AFDN: variants seen among roughly 807,000 people sequenced by gnomAD.
AFDN encodes the protein afadin.
AFDN carries 68 observed loss-of-function variants against 216.6 expected under a neutral mutation model. The observed-to-expected ratio is 0.31, with a 90% CI of 0.26 to 0.38. The LOEUF (loss-of-function observed/expected upper bound fraction) is 0.38. AFDN is among the 10% of genes least tolerant of loss of function. The probability of loss-of-function intolerance (pLI) is 1.00; values close to 1 mark genes in which losing one functional copy is unlikely to be tolerated. For synonymous variants in AFDN, 868 were observed against 853.7 expected (o/e 1.02, Z -0.29); for missense variants, 2,136 against 2,342.0 (o/e 0.91, Z 1.82).
At chr6:167,899,625 C>T (rs1788695992) in intron 11 of AFDN, among the ~76,000 whole-genome samples, 1 of 152,162 alleles carries the variant, frequency 6.6e-6, no homozygotes, top group Non-Finnish European at 1.5e-5. Context: ...TTTTCTTCAG[C>T]CCTGTTTCTT....
chr6:167,960,456 A>G (rs1191580553), intron 30 of AFDN, among the ~76,000 whole-genome samples: 7 of 152,270 alleles, frequency 4.6e-5, no homozygotes, highest in Non-Finnish European at 7.3e-5. Flanking sequence ...TAATTGGTCT[A>G]TCATTGTGTA....
At position 167,890,904 on chromosome 6, in the gene AFDN, T is replaced by A. The variant is rs1164673099; in HGVS notation, c.1052T>A (p.Ile351Asn). 1 of 1,613,688 alleles carries A rather than the reference T, an allele frequency of 6.2e-7. No homozygotes were observed. The highest frequency in any genetic ancestry group is 1.7e-5 in the Admixed American group (1 of 59,974). Residue 351 changes from isoleucine to asparagine, a missense_variant, in exon 8 of 34, where the codon ATC (isoleucine) becomes AAC (asparagine). Physicochemically the swap from Ile to Asn is moderately radical, Grantham distance 149. Coordinates refer to ENST00000683244, the MANE Select transcript of AFDN (RefSeq NM_001386888.1). Reference sequence around the variant, plus strand: ...TTGAAGAGGAGGCCACCAGACCACATCCCAAAGAAAACCAAGAAACACTTG... The same window carrying A: ...TTGAAGAGGAGGCCACCAGACCACAACCCAAAGAAAACCAAGAAACACTTG... ...FQLKRRPPDHIPKKTKKHLEG... is the reference protein window; with the variant it reads ...FQLKRRPPDHNPKKTKKHLEG...
intron 1 of AFDN, among the ~76,000 whole-genome samples, chr6:167,847,159 G>C (rs1583140339): frequency 1.3e-5 from 2 of 152,236 alleles, no homozygotes; most frequent in East Asian, 3.9e-4. Flanking sequence ...TTCTGATGCA[G>C]CAGCAGTTGA....
chr6:167,888,564 A>G (rs925422746), intron 6 of AFDN, among the ~76,000 whole-genome samples: 8 of 152,186 alleles, frequency 5.3e-5, no homozygotes, highest in Non-Finnish European at 1.0e-4. Flanking sequence ...GGGCTTTCTT[A>G]GATTATTAAA....
intron 1 of AFDN, among the ~76,000 whole-genome samples, chr6:167,830,471 C>T (rs1779702852): frequency 6.6e-6 from 1 of 152,150 alleles, no homozygotes; most frequent in South Asian, 2.1e-4. Context: ...GGCATATATG[C>T]TTTCTAAAAA....
chr6:167,898,113 G>T, intron 10 of AFDN, 92 bp from the exon 11 acceptor site: 1 of 1,366,636 alleles, frequency 7.3e-7, no homozygotes, highest in Non-Finnish European at 1.0e-6. Context: ...GGTTATATTT[G>T]TCATAAAAGG....
chr6:167,847,132 A>G (rs2128157645), intron 1 of AFDN, among the ~76,000 whole-genome samples: 1 of 152,322 alleles, frequency 6.6e-6, no homozygotes, highest in South Asian at 2.1e-4. Context: ...TCATGCTGAC[A>G]CATCCAGTCG....
chr6:167,858,279 G>A (rs1186505505), intron 1 of AFDN, among the ~76,000 whole-genome samples: 3 of 152,196 alleles, frequency 2.0e-5, no homozygotes, highest in Non-Finnish European at 4.4e-5. Flanking sequence ...AGTAGATAAT[G>A]TTGGCAGTTA....
intron 1 of AFDN, among the ~76,000 whole-genome samples, chr6:167,829,436 C>T (rs1157297017): frequency 6.6e-6 from 1 of 151,876 alleles, no homozygotes; most frequent in East Asian, 1.9e-4. Flanking sequence ...TGTCTAAGCT[C>T]GTGTGAATTT....
At chr6:167,944,323 A>C (rs1286330416) in intron 26 of AFDN, among the ~76,000 whole-genome samples, 1 of 152,156 alleles carries the variant, frequency 6.6e-6, no homozygotes, top group African/African-American at 2.4e-5. Context: ...ACTGCTGGTG[A>C]GCTTCCATAG....
intron 23 of AFDN, among the ~76,000 whole-genome samples, chr6:167,938,261 A>G (rs1451050013): frequency 6.6e-6 from 1 of 151,422 alleles, no homozygotes; most frequent in Non-Finnish European, 1.5e-5. Context: ...CATGAGTCAG[A>G]TAGAATGGGA....
chr6:167,834,177 T>C (rs913604514), intron 1 of AFDN, among the ~76,000 whole-genome samples: 3 of 152,128 alleles, frequency 2.0e-5, no homozygotes, highest in African/African-American at 7.2e-5. Flanking sequence ...TAGTGGTGAT[T>C]TGTGAGATTT....
Position 167,911,427 on chromosome 6 carries a change from C to T in AFDN, c.1975C>T (p.Arg659Cys), listed in dbSNP as rs368693251. ...QYRPDISPTERTHKVIAVVNK... is the reference protein window; with the variant it reads ...QYRPDISPTECTHKVIAVVNK... The stretch of plus-strand genomic sequence containing the variant: ...CAGACCTGACATCAGCCCTACAGAG[C>T]GCACACATAAAGTCATTGCAGTCGT... Residue 659 changes from arginine (R) to cysteine (C), a missense_variant, in exon 15 of 34, where the codon CGC (arginine) becomes TGC (cysteine). Physicochemically the swap from Arg to Cys is radical, Grantham distance 180. Coordinates refer to ENST00000683244, the MANE Select transcript of AFDN (RefSeq NM_001386888.1). 1.8e-5 allele frequency: 29 copies of T among 1,614,078 alleles called. No individual in the cohort carries two copies. Among genetic ancestry groups the T allele is most frequent in the East Asian group, 1.8e-4 (8 of 44,874 alleles).
chr6:167,949,584 G>C (rs1480963475), intron 29 of AFDN, among the ~76,000 whole-genome samples: 1 of 152,192 alleles, frequency 6.6e-6, no homozygotes. Context: ...AGTCTTGGGA[G>C]TTTTGGATGC....
intron 1 of AFDN, among the ~76,000 whole-genome samples, chr6:167,832,296 C>T (rs989936275): frequency 1.3e-5 from 2 of 152,106 alleles, no homozygotes; most frequent in African/African-American, 2.4e-5. Flanking sequence ...GCTTCCAGTT[C>T]GTGTCTCTCT....
At chr6:167,950,390 C>CTGTGTG (rs1171520283) in intron 29 of AFDN, among the ~76,000 whole-genome samples, 1 of 141,380 alleles carries the variant, frequency 7.1e-6, no homozygotes, top group South Asian at 2.4e-4. Flanking sequence ...ACTCATTTTT[C>CTGTGTG]TCTGTGTCTG....
intron 32 of AFDN, chr6:167,968,754 A>G (rs1260361502): frequency 4.6e-6 from 1 of 217,984 alleles, no homozygotes; most frequent in Non-Finnish European, 9.3e-6. Flanking sequence ...TTGATCCTCA[A>G]CAATCCACCG....
intron 30 of AFDN, among the ~76,000 whole-genome samples, chr6:167,961,143 A>G (rs1239369535): frequency 6.6e-6 from 1 of 152,246 alleles, no homozygotes; most frequent in Non-Finnish European, 1.5e-5. Flanking sequence ...CAAACAATTT[A>G]TAGACAAACT....
chr6:167,966,382 G>C (rs1312957910), intron 32 of AFDN: 1 of 971,800 alleles, frequency 1.0e-6, no homozygotes, highest in African/African-American at 1.7e-5. Flanking sequence ...ACTTGCCTTG[G>C]AATTTGGATG....
Sources: allele counts gnomAD v4.1 joint callset (sites outside exome capture counted in the v4.1 genomes callset), GRCh38; gene constraint gnomAD v4.1.1; transcripts MANE v1.5; gene names NCBI Gene and HGNC (gene_info 2026-07-23, HGNC 2026-07-21).